Variants in ACVR2A observed in about 807,000 individuals in gnomAD.
ACVR2A encodes the protein activin A receptor type 2A, also known as activin receptor type-2A.
ACVR2A carries 7 observed loss-of-function variants against 61.4 expected under a neutral mutation model. That is an observed-to-expected ratio of 0.11 (90% confidence interval 0.06 to 0.21). The LOEUF (loss-of-function observed/expected upper bound fraction) is 0.21, where lower values mean the gene tolerates loss of function less well. Among genes scored for constraint, ACVR2A ranks in the 10% least tolerant of loss-of-function variants. The pLI is 1.00. For missense variants in ACVR2A, 322 were observed against 621.7 expected (o/e 0.52, Z 5.13); for synonymous variants, 193 against 208.3 (o/e 0.93, Z 0.63).
In ACVR2A at chr2:147,927,952, C is replaced by G. The variant is rs1003261185; in HGVS notation, c.*678C>G. On this transcript the variant is annotated 3_prime_UTR_variant, in exon 11 of 11. Transcript: ENST00000241416. The stretch of plus-strand genomic sequence containing the variant: ...CGATCCATGTTTTGTAACAAATTCA[C>G]TGTGTTATTTAAGGAAAAAAAGGTA... 9 of 152,224 alleles carry G rather than the reference C, an allele frequency of 5.9e-5. No individual in the cohort carries two copies. The highest frequency in any genetic ancestry group is 4.6e-4 in the Admixed American group (7 of 15,188). The allele number at this position is 152,224 out of a possible 1,614,324, so 9.4% of individuals were successfully genotyped here.
At chr2:147,851,900 C>T (rs1356822349) in intron 1 of ACVR2A, among the ~76,000 whole-genome samples, 1 of 152,000 alleles carries the variant, frequency 6.6e-6, no homozygotes, top group African/African-American at 2.4e-5. Flanking sequence ...CTTCTCTGAG[C>T]CACGGTTGTC....
intron 1 of ACVR2A, among the ~76,000 whole-genome samples, chr2:147,893,055 T>C (rs1280886516): frequency 2.0e-5 from 3 of 152,174 alleles, no homozygotes; most frequent in Non-Finnish European, 2.9e-5. Flanking sequence ...AGTTTCCTCA[T>C]GCCCTTTTGT....
Position 147,873,012 on chromosome 2 carries a change from C to T in ACVR2A, c.56-23289C>T, listed in dbSNP as rs73020015. ...CTTGTATTGGAGACATTCATGTTAG[C>T]TTATTGTTTTCCTTGAAATGCCCAC... On this transcript the variant is annotated intron_variant, in intron 1 of 10. Transcript: ENST00000241416. Among the ~76,000 whole-genome samples, 990 of 152,016 alleles carry T rather than the reference C, an allele frequency of 6.5e-3. 9 individuals carry two copies. Among genetic ancestry groups the T allele is most frequent in the African/African-American group, 0.023 (954 of 41,536 alleles).
intron 1 of ACVR2A, among the ~76,000 whole-genome samples, chr2:147,891,876 A>G (rs1686590963): frequency 6.6e-6 from 1 of 152,202 alleles, no homozygotes; most frequent in Non-Finnish European, 1.5e-5. Flanking sequence ...TACCTTGCTC[A>G]TATTTTCAAC....
At chr2:147,901,294 A>G (rs1003108599) in intron 4 of ACVR2A, among the ~76,000 whole-genome samples, 3 of 151,998 alleles carry the variant, frequency 2.0e-5, no homozygotes, top group African/African-American at 4.8e-5. Flanking sequence ...CAGATCTGTG[A>G]TATGCTAGGA....
chr2:147,925,488 A>G (rs1476155857), intron 9 of ACVR2A, among the ~76,000 whole-genome samples: 5 of 151,960 alleles, frequency 3.3e-5, no homozygotes, highest in Non-Finnish European at 5.9e-5. Context: ...GTGATTTTCT[A>G]AAAAATAAAC....
At chr2:147,844,803 T>G, upstream of ACVR2A, 5 of 182,124 alleles carry the variant, frequency 2.7e-5, no homozygotes, top group Admixed American at 6.3e-5. Flanking sequence ...AGCCTGGCGT[T>G]TTGTTCCGAG....
At chr2:147,897,879 C>G (rs1686779153) in intron 2 of ACVR2A, among the ~76,000 whole-genome samples, 1 of 151,996 alleles carries the variant, frequency 6.6e-6, no homozygotes, top group Admixed American at 6.6e-5. Context: ...CAGAAGTGGT[C>G]AAGTGATATG....
intron 4 of ACVR2A, among the ~76,000 whole-genome samples, chr2:147,909,266 C>T (rs1469211): frequency 0.14 from 21,747 of 152,120 alleles, 1,924 homozygotes; most frequent in Middle Eastern, 0.23. Flanking sequence ...GTACTGAATT[C>T]CTTTTTATTA....
At chr2:147,896,198 T>C in intron 1 of ACVR2A, 103 bp from the exon 2 acceptor site, 1 of 995,356 alleles carries the variant, frequency 1.0e-6, no homozygotes, top group South Asian at 1.7e-5. Flanking sequence ...GGGAAGACGG[T>C]GAATTACTGA....
At chr2:147,887,483 A>G (rs1156289374) in intron 1 of ACVR2A, among the ~76,000 whole-genome samples, 1 of 152,188 alleles carries the variant, frequency 6.6e-6, no homozygotes, top group East Asian at 1.9e-4. Context: ...AGGACATTCC[A>G]TTCTATCACC....
intron 1 of ACVR2A, among the ~76,000 whole-genome samples, chr2:147,880,986 C>T (rs934369086): frequency 1.2e-4 from 19 of 152,082 alleles, no homozygotes; most frequent in Non-Finnish European, 2.8e-4. Context: ...GAAATCTATC[C>T]CTTTTATAAT....
chr2:147,902,698 A>G (rs1275500964), intron 4 of ACVR2A, among the ~76,000 whole-genome samples: 1 of 152,012 alleles, frequency 6.6e-6, no homozygotes. Context: ...GCTGTAGATA[A>G]AAATATCTGT....
chr2:147,878,662 A>G (rs1686218777), intron 1 of ACVR2A, among the ~76,000 whole-genome samples: 1 of 152,076 alleles, frequency 6.6e-6, no homozygotes, highest in African/African-American at 2.4e-5. Context: ...TAATTCCAGC[A>G]CTTCAGGAGG....
intron 1 of ACVR2A, among the ~76,000 whole-genome samples, chr2:147,870,691 C>G (rs1324254394): frequency 6.6e-6 from 1 of 152,180 alleles, no homozygotes; most frequent in Non-Finnish European, 1.5e-5. Flanking sequence ...TTTCATTCTC[C>G]TGTTTAATCC....
intron 1 of ACVR2A, among the ~76,000 whole-genome samples, chr2:147,854,912 C>T (rs997013603): frequency 4.0e-5 from 6 of 151,846 alleles, no homozygotes; most frequent in East Asian, 1.9e-4. Flanking sequence ...GACTGAGTCT[C>T]GCTCTGTTGG....
chr2:147,920,637 C>T (rs988035210), intron 8 of ACVR2A, among the ~76,000 whole-genome samples: 2 of 152,130 alleles, frequency 1.3e-5, no homozygotes, highest in African/African-American at 4.8e-5. Context: ...GGGAATTCTT[C>T]GTATGAACTC....
At chr2:147,898,685 G>A (rs546803048) in intron 2 of ACVR2A, among the ~76,000 whole-genome samples, 1 of 152,096 alleles carries the variant, frequency 6.6e-6, no homozygotes, top group Admixed American at 6.5e-5. Context: ...CTGTTTATTA[G>A]TGGCTGATTA....
intron 1 of ACVR2A, among the ~76,000 whole-genome samples, chr2:147,879,837 C>G (rs1371786711): frequency 2.0e-5 from 3 of 152,146 alleles, no homozygotes; most frequent in Non-Finnish European, 4.4e-5. Flanking sequence ...GTTAAAGAGG[C>G]TGTTGCTATA....
Sources: gnomAD v4.1 joint callset for allele counts (sites outside exome capture counted in the v4.1 genomes callset) on GRCh38, gnomAD v4.1.1 for gene constraint, MANE v1.5 for transcripts, NCBI Gene and HGNC (gene_info 2026-07-23, HGNC 2026-07-21) for gene names.